The following GGT1 variants were observed in gnomAD, a reference collection of about 807,000 sequenced individuals.
GGT1 encodes the protein glutathione hydrolase 1 proenzyme.
A neutral mutation model predicts 56.0 loss-of-function variants in GGT1; 21 were observed. That is an observed-to-expected ratio of 0.38 (90% CI 0.27 to 0.54). The LOEUF (loss-of-function observed/expected upper bound fraction) is 0.54. Among genes scored for constraint, GGT1 ranks in the 20% least tolerant of loss-of-function variants. GGT1 has a pLI of 0.82. For missense variants in GGT1, 466 were observed against 787.0 expected (o/e 0.59, Z 4.88); for synonymous variants, 238 against 342.6 (o/e 0.69, Z 3.37).
intron 7 of GGT1, among the ~76,000 whole-genome samples, chr22:24,619,795 T>C (rs1415975951): frequency 1.3e-5 from 2 of 150,770 alleles, no homozygotes; most frequent in African/African-American, 4.9e-5. Flanking sequence ...CCATGAGTCT[T>C]ACAGGATAAG....
rs778833814 is a variant in GGT1, at chr22:24,615,052, G to T, written c.307G>T (p.Val103Phe). ...IYNSTTRKAE[V>F]INAREVAPRL... ...GCTTCTCCTTCTAGGAAAAGCTGAG[G>T]TCATCAACGCCCGCGAGGTGGCCCC... The change falls in exon 7 of 16, where the codon GTC (valine) becomes TTC (phenylalanine). Residue 103 changes from valine (V) to phenylalanine (F), a missense_variant. By Grantham distance (50) the Val-to-Phe change is conservative. Transcript: ENST00000400382. The T allele has an allele frequency of 9.9e-6, 16 of 1,611,988 alleles. No individual in the cohort carries two copies. Among genetic ancestry groups the T allele is most frequent in the African/African-American group, 5.3e-5 (4 of 74,892 alleles).
intron 5 of GGT1, among the ~76,000 whole-genome samples, chr22:24,611,535 CTATCTATCATCTATCTATCTATCTATCT>C (rs1332816090): frequency 1.5e-5 from 2 of 131,408 alleles, no homozygotes; most frequent in African/African-American, 6.8e-5. Context: ...ATCTATCTAT[CTATCTATCATCTATCTATCTATCTATCT>C]ATCTATCTAT....
upstream of GGT1, among the ~76,000 whole-genome samples, chr22:24,591,220 C>T (rs2045558127): frequency 6.6e-6 from 1 of 152,258 alleles, no homozygotes; most frequent in African/African-American, 2.4e-5. Flanking sequence ...GCTGGGATTG[C>T]AGGCATGTGC....
chr22:24,628,174 T>C lies in GGT1; in HGVS notation c.1430T>C (p.Ile477Thr), dbSNP rs576870526. 6.2e-7 allele frequency: 1 copy of C among 1,611,988 alleles called. No individual in the cohort carries two copies. Among genetic ancestry groups the C allele is most frequent in the South Asian group, 1.1e-5 (1 of 90,980 alleles). ...MVVGAAGGTQ[I>T]TTATALAIIY... is the part of the protein sequence containing the mutation. ...GTGGGAGCTGCTGGGGGCACACAGA[T>C]CACCACGGCCACTGCACTGGTATGT... is the stretch of plus-strand genomic sequence containing the variant. Residue 477 changes from isoleucine to threonine, a missense_variant, in exon 14 of 16, where the codon ATC becomes ACC. Physicochemically the swap from Ile to Thr is moderately conservative, Grantham distance 89. This residue lies in a region of GGT1 where 456 missense variants were observed against 716.7 expected (regional missense o/e 0.64). Transcript: ENST00000400382. This position sits in a 1 kb window ranked among gnomAD's most constrained non-coding sequence, Gnocchi z 5.7.
chr22:24,609,079 T>C (rs1400954531), intron 2 of GGT1: 1 of 152,330 alleles, frequency 6.6e-6, no homozygotes, highest in Non-Finnish European at 1.5e-5. Context: ...TGACCCGGAC[T>C]CCCAGCTGGG....
intron 7 of GGT1, chr22:24,615,920 G>A (rs1291144328): frequency 1.3e-5 from 2 of 151,690 alleles, no homozygotes; most frequent in African/African-American, 4.9e-5. Context: ...GACCTGCCTG[G>A]GCAACATAGC....
At chr22:24,601,117 C>G (rs1022805339), upstream of GGT1, among the ~76,000 whole-genome samples, 1 of 152,146 alleles carries the variant, frequency 6.6e-6, no homozygotes, top group Non-Finnish European at 1.5e-5. Context: ...ACAAAATGTC[C>G]TGGATAATAT....
chr22:24,603,969 C>A (rs181009866), intron 1 of GGT1, among the ~76,000 whole-genome samples: 8 of 152,082 alleles, frequency 5.3e-5, no homozygotes, highest in African/African-American at 1.4e-4. Flanking sequence ...ATAGTTCTTT[C>A]GACAGGTTTC....
the GGT1 span, among the ~76,000 whole-genome samples, chr22:24,587,133 C>A: frequency 3.3e-5 from 5 of 152,180 alleles, no homozygotes; most frequent in African/African-American, 1.2e-4. Context: ...TTTCCCTGTG[C>A]CCCTTCTGAT....
At chr22:24,605,675 ATTATATAATGTGTATTATATATT>A (rs1296421483) in intron 1 of GGT1, among the ~76,000 whole-genome samples, 2 of 66,190 alleles carry the variant, frequency 3.0e-5, no homozygotes, top group Non-Finnish European at 4.5e-5. Flanking sequence ...TATATTTAAT[ATTATATAATGTGTATTATATATT>A]TAATATTATA....
At chr22:24,591,889 T>C (rs2045578057), upstream of GGT1, among the ~76,000 whole-genome samples, 1 of 152,114 alleles carries the variant, frequency 6.6e-6, no homozygotes, top group Non-Finnish European at 1.5e-5. Context: ...AACGGACAGC[T>C]CCATTTTTCC....
chr22:24,608,548 G>A (rs1025384575), intron 2 of GGT1, among the ~76,000 whole-genome samples: 3 of 152,260 alleles, frequency 2.0e-5, no homozygotes, highest in African/African-American at 4.8e-5. Context: ...CCCAGTGGAC[G>A]GGACTGGGTA....
At chr22:24,585,083 T>C in the GGT1 span, among the ~76,000 whole-genome samples, 1 of 152,074 alleles carries the variant, frequency 6.6e-6, no homozygotes, top group Admixed American at 6.5e-5. Flanking sequence ...ACACAAGCAC[T>C]TTGTCTCTGG....
intron 11 of GGT1, chr22:24,624,394 G>A (rs989968027): frequency 2.4e-5 from 24 of 985,276 alleles, no homozygotes; most frequent in Non-Finnish European, 2.9e-5. Flanking sequence ...ATAAGACCCT[G>A]TCATATCCCT....
At position 24,627,882 on chromosome 22, in the gene GGT1, C is replaced by T. The variant is rs200019915; in HGVS notation, c.1239C>T (p.Ser413=). The part of the protein sequence containing the change: ...YFGSKVRSPV[S]GILFNNEMDD... ...GCTCCAAGGTCCGCTCCCCGGTCAGCGGGATCCTGTTCAATAATGAAATGG... is the reference window on the plus strand; with the variant it reads ...GCTCCAAGGTCCGCTCCCCGGTCAGTGGGATCCTGTTCAATAATGAAATGG... Residue 413 remains serine (S), a synonymous_variant, in exon 13 of 16, where the codon AGC becomes AGT. Coordinates refer to ENST00000400382, the MANE Select transcript of GGT1 (RefSeq NM_001288833.2). 96 of 1,613,728 alleles carry T rather than the reference C, an allele frequency of 5.9e-5. No individual in the cohort carries two copies. The highest frequency in any genetic ancestry group is 3.0e-4 in the Admixed American group (18 of 59,990).
chr22:24,605,023 C>CATATATATATAT (rs1286788943), intron 1 of GGT1, among the ~76,000 whole-genome samples: 2 of 65,002 alleles, frequency 3.1e-5, no homozygotes, highest in African/African-American at 3.2e-4. Context: ...TCCTGTATGT[C>CATATATATATAT]ATATATATAT....
chr22:24,621,221 C>T, intron 9 of GGT1, 151 bp downstream of exon 9: 1 of 1,443,798 alleles, frequency 6.9e-7, no homozygotes, highest in Non-Finnish European at 9.2e-7. Flanking sequence ...GGGTCCACAG[C>T]TCCTGCTTAT....
At chr22:24,588,778 C>T in the GGT1 span, 1 of 1,025,920 alleles carries the variant, frequency 9.7e-7, no homozygotes, top group Non-Finnish European at 1.2e-6. Context: ...TGTTCTTCTT[C>T]CTCTCACTCT....
chr22:24,595,569 T>A (rs2045678909), intron 1 of GGT1, among the ~76,000 whole-genome samples: 1 of 152,176 alleles, frequency 6.6e-6, no homozygotes, highest in Non-Finnish European at 1.5e-5. Context: ...AGCCCTGCCA[T>A]CCCTAGTGAG....
Sources: gnomAD v4.1 joint callset for allele counts (sites outside exome capture counted in the v4.1 genomes callset) on GRCh38, gnomAD v4.1.1 for gene constraint, gnomAD v4.1.1 regional missense constraint, Gnocchi (gnomAD v3.1) non-coding constraint, MANE v1.5 for transcripts, NCBI Gene and HGNC (gene_info 2026-07-23, HGNC 2026-07-21) for gene names.